Variants in ZBTB20 observed in about 807,000 individuals in gnomAD.
ZBTB20 encodes zinc finger and BTB domain containing 20.
ZBTB20 carries 9 observed loss-of-function variants against 56.9 expected under a neutral mutation model. That is an observed-to-expected ratio of 0.16 (90% CI 0.10 to 0.28). The LOEUF is 0.28. Among genes scored for constraint, ZBTB20 ranks in the 10% least tolerant of loss-of-function variants. ZBTB20 has a pLI of 1.00. For missense variants in ZBTB20, 655 were observed against 1,003.0 expected (o/e 0.65, Z 4.69); for synonymous variants, 417 against 420.7 (o/e 0.99, Z 0.11).
intron 1 of ZBTB20, among the ~76,000 whole-genome samples, chr3:115,104,802 G>T (rs530727283): frequency 9.9e-5 from 15 of 152,262 alleles, no homozygotes; most frequent in Non-Finnish European, 1.5e-5. Context: ...TCATACATTT[G>T]TTCAGACCCA....
intron 5 of ZBTB20, among the ~76,000 whole-genome samples, chr3:114,723,007 A>G (rs2065020759): frequency 6.6e-6 from 1 of 152,200 alleles, no homozygotes; most frequent in Non-Finnish European, 1.5e-5. Flanking sequence ...GCTCTTTATC[A>G]TTCCTATTAA....
At chr3:114,956,289 A>G (rs2077244113) in intron 3 of ZBTB20, among the ~76,000 whole-genome samples, 1 of 152,200 alleles carries the variant, frequency 6.6e-6, no homozygotes, top group South Asian at 2.1e-4. Context: ...AAGCAAGTGG[A>G]CAAATACTCA....
At chr3:114,504,138 T>A (rs1039749583) in intron 6 of ZBTB20, among the ~76,000 whole-genome samples, 8 of 152,234 alleles carry the variant, frequency 5.3e-5, no homozygotes, top group Middle Eastern at 3.4e-3. Flanking sequence ...AAAAAAGAGT[T>A]CTAAGTGGGT....
chr3:114,739,214 C>T (rs958400016), intron 5 of ZBTB20, among the ~76,000 whole-genome samples: 4 of 152,116 alleles, frequency 2.6e-5, no homozygotes, highest in African/African-American at 9.7e-5. Flanking sequence ...AGGGATATGG[C>T]CCTAGAATCT....
intron 6 of ZBTB20, among the ~76,000 whole-genome samples, chr3:114,608,162 C>G (rs2057308088): frequency 1.3e-5 from 2 of 152,026 alleles, no homozygotes; most frequent in Admixed American, 6.6e-5. Flanking sequence ...AACAAAAACA[C>G]CAGTCTAAAA....
At chr3:114,395,718 G>T (rs2086276355) in intron 7 of ZBTB20, among the ~76,000 whole-genome samples, 1 of 152,020 alleles carries the variant, frequency 6.6e-6, no homozygotes, top group African/African-American at 2.4e-5. Flanking sequence ...TTAGGTTTTA[G>T]TTCCTTAATT....
chr3:114,473,049 C>G (rs1220251910), intron 7 of ZBTB20, among the ~76,000 whole-genome samples: 1 of 152,192 alleles, frequency 6.6e-6, no homozygotes, highest in Non-Finnish European at 1.5e-5. Context: ...AGAAACAGTA[C>G]AAGGACTGCG....
intron 4 of ZBTB20, among the ~76,000 whole-genome samples, chr3:114,831,186 T>C (rs2073825090): frequency 6.6e-6 from 1 of 151,258 alleles, no homozygotes; most frequent in Non-Finnish European, 1.5e-5. Context: ...TTATTCTTTC[T>C]TGAAACTGGT....
At chr3:114,469,282 G>A (rs1373988804) in intron 7 of ZBTB20, among the ~76,000 whole-genome samples, 1 of 152,134 alleles carries the variant, frequency 6.6e-6, no homozygotes, top group Non-Finnish European at 1.5e-5. Flanking sequence ...GGAATGTAAT[G>A]TGGAGAGACT....
At chr3:114,560,143 T>C (rs1257693029) in intron 6 of ZBTB20, among the ~76,000 whole-genome samples, 1 of 152,148 alleles carries the variant, frequency 6.6e-6, no homozygotes, top group Non-Finnish European at 1.5e-5. Context: ...TAAGAAACAG[T>C]GTATATTTTT....
intron 5 of ZBTB20, among the ~76,000 whole-genome samples, chr3:114,700,150 T>C (rs867629829): frequency 6.6e-6 from 1 of 152,102 alleles, no homozygotes; most frequent in Non-Finnish European, 1.5e-5. Flanking sequence ...CTTTGCCTCC[T>C]GTCCTCTCAC....
At chr3:114,522,027 AAAAC>A (rs138856975) in intron 6 of ZBTB20, among the ~76,000 whole-genome samples, 21,215 of 152,038 alleles carry the variant, frequency 0.14, 1,520 homozygotes, top group South Asian at 0.17. Flanking sequence ...GAACAGGCAA[AAAAC>A]AAACAAACAA....
chr3:114,795,399 C>T (rs2071275406), intron 5 of ZBTB20, among the ~76,000 whole-genome samples: 1 of 152,104 alleles, frequency 6.6e-6, no homozygotes, highest in Admixed American at 6.6e-5. Flanking sequence ...TCTGACCACA[C>T]CTCCAGCCAT....
chr3:115,073,756 G>C (rs190408589), intron 1 of ZBTB20, among the ~76,000 whole-genome samples: 1 of 151,304 alleles, frequency 6.6e-6, no homozygotes, highest in Non-Finnish European at 1.5e-5. Flanking sequence ...AAAATTAACC[G>C]TATACAATAA....
intron 6 of ZBTB20, among the ~76,000 whole-genome samples, chr3:114,505,094 C>CT (rs2044441987): frequency 6.6e-6 from 1 of 152,118 alleles, no homozygotes; most frequent in South Asian, 2.1e-4. Context: ...TAAGCGAAAG[C>CT]TATTATTATA....
At chr3:115,118,604 A>G (rs930775120) in intron 1 of ZBTB20, among the ~76,000 whole-genome samples, 2 of 152,026 alleles carry the variant, frequency 1.3e-5, no homozygotes, top group Non-Finnish European at 2.9e-5. Context: ...ACATCTAATG[A>G]TAATAAATAT....
intron 6 of ZBTB20, among the ~76,000 whole-genome samples, chr3:114,665,207 CTATGTTTAGA>C (rs150495605): frequency 0.045 from 6,900 of 152,016 alleles, 193 homozygotes; most frequent in Non-Finnish European, 0.068. Context: ...TGTACCTTTT[CTATGTTTAGA>C]TATGTTTACA....
intron 6 of ZBTB20, among the ~76,000 whole-genome samples, chr3:114,535,628 C>A (rs1330436655): frequency 6.6e-6 from 1 of 152,182 alleles, no homozygotes; most frequent in African/African-American, 2.4e-5. Context: ...GGACTCCTCC[C>A]TAACTCTTTT....
intron 3 of ZBTB20, among the ~76,000 whole-genome samples, chr3:114,973,347 G>A (rs899269369): frequency 2.9e-4 from 44 of 152,148 alleles, no homozygotes; most frequent in African/African-American, 1.1e-3. Flanking sequence ...TAGAAAGCAG[G>A]TGAATTAGAA....
Sources: gnomAD v4.1 joint callset for allele counts (sites outside exome capture counted in the v4.1 genomes callset) on GRCh38, gnomAD v4.1.1 for gene constraint, MANE v1.5 for transcripts, NCBI Gene and HGNC (gene_info 2026-07-23, HGNC 2026-07-21) for gene names.